LOC131768270: variants seen among roughly 807,000 people sequenced by gnomAD.
chr5:140,567,961 ACTGCTCATGTCTG>A, the LOC131768270 span: 1 of 1,614,132 alleles, frequency 6.2e-7, no homozygotes, highest in East Asian at 2.2e-5. Context: ...CACTAAATGG[ACTGCTCATGTCTG>A]CTGTCATGAA....
chr5:140,567,016 T>C, the LOC131768270 span: 2 of 1,201,172 alleles, frequency 1.7e-6, no homozygotes, highest in Non-Finnish European at 2.4e-6. Context: ...CTTCAAGCCC[T>C]GACTGTGGAG....
the LOC131768270 span, chr5:140,568,355 G>C: frequency 8.1e-6 from 6 of 743,412 alleles, no homozygotes; most frequent in Admixed American, 1.5e-4. Flanking sequence ...TTTGGTTAAG[G>C]AAATGCTTAC....
the LOC131768270 span, chr5:140,567,912 G>C: frequency 1.2e-6 from 2 of 1,614,208 alleles, no homozygotes; most frequent in Non-Finnish European, 1.7e-6. Flanking sequence ...CTCCTGGAAG[G>C]TTTCTCAGGA....
chr5:140,567,646 G>A, the LOC131768270 span: 1 of 1,614,006 alleles, frequency 6.2e-7, no homozygotes, highest in Admixed American at 1.7e-5. Context: ...ATGCAGCAGG[G>A]GGCCTTCAAG....
the LOC131768270 span, chr5:140,567,034 A>G: frequency 7.3e-7 from 1 of 1,373,974 alleles, no homozygotes; most frequent in Admixed American, 1.7e-5. Flanking sequence ...GAGTTGGTAG[A>G]TGCCTCTGAT....
the LOC131768270 span, chr5:140,568,047 T>C: frequency 6.2e-7 from 1 of 1,614,016 alleles, no homozygotes; most frequent in Middle Eastern, 1.7e-4. Context: ...AACGCCGTGC[T>C]CTCAGCAGTC....
chr5:140,568,015 G>T, the LOC131768270 span: 1 of 1,614,080 alleles, frequency 6.2e-7, no homozygotes, highest in Non-Finnish European at 8.5e-7. Flanking sequence ...GCCTCTTTGT[G>T]GTGTCCTGCT....
the LOC131768270 span, chr5:140,565,971 G>A: frequency 2.5e-6 from 1 of 398,914 alleles, no homozygotes; most frequent in Non-Finnish European, 4.4e-6. Flanking sequence ...GAGTGGGCCA[G>A]GTAAGGACTG....
the LOC131768270 span, chr5:140,566,968 C>G: frequency 1.2e-6 from 1 of 801,476 alleles, no homozygotes; most frequent in Non-Finnish European, 2.1e-6. Flanking sequence ...TGGGACTCGC[C>G]CCAAGACTGT....
At chr5:140,564,862 A>G in the LOC131768270 span, 1 of 395,390 alleles carries the variant, frequency 2.5e-6, no homozygotes. The surrounding 1 kb of genome is among the most constrained non-coding windows in gnomAD (Gnocchi z 5.0). Flanking sequence ...TGACAAGGTG[A>G]GTGGCCGTGG....
At chr5:140,567,928 A>C in the LOC131768270 span, 1 of 1,614,198 alleles carries the variant, frequency 6.2e-7, no homozygotes. Context: ...CAGGATGGGC[A>C]GCACTCGTGG....
chr5:140,566,114 T>A, the LOC131768270 span: 1 of 396,152 alleles, frequency 2.5e-6, no homozygotes, highest in Non-Finnish European at 4.4e-6. Context: ...TTTTTCTGAA[T>A]GGCACATGAA....
At chr5:140,567,157 G>A in the LOC131768270 span, 1 of 1,614,184 alleles carries the variant, frequency 6.2e-7, no homozygotes, top group South Asian at 1.1e-5. Flanking sequence ...GCCACCCAGG[G>A]TCTTGTGTGG....
the LOC131768270 span, chr5:140,568,321 C>A: frequency 1.0e-6 from 1 of 976,032 alleles, no homozygotes; most frequent in Non-Finnish European, 1.5e-6. Context: ...TGAAGGGGTA[C>A]CCCTAGGAGA....
At chr5:140,564,875 G>T in the LOC131768270 span, 1 of 406,126 alleles carries the variant, frequency 2.5e-6, no homozygotes, top group African/African-American at 2.1e-5. The surrounding 1 kb of genome is among the most constrained non-coding windows in gnomAD (Gnocchi z 5.0). Context: ...GGCCGTGGGG[G>T]TGATCTGCAG....
the LOC131768270 span, chr5:140,565,505 CCAA>C: frequency 6.1e-6 from 1 of 164,146 alleles, no homozygotes; most frequent in Non-Finnish European, 1.3e-5. Flanking sequence ...AACATAGTAG[CCAA>C]GACAGACTGG....
chr5:140,566,510 C>G, the LOC131768270 span: 1 of 410,622 alleles, frequency 2.4e-6, no homozygotes. Flanking sequence ...TTGAGTAGCC[C>G]CTGGACAGTC....
chr5:140,568,066 G>T, the LOC131768270 span: 1 of 1,613,938 alleles, frequency 6.2e-7, no homozygotes, highest in Non-Finnish European at 8.5e-7. Flanking sequence ...TCCTGCTACG[G>T]CTGCAGCTCA....
At chr5:140,567,658 TC>T in the LOC131768270 span, 3 of 1,613,976 alleles carry the variant, frequency 1.9e-6, no homozygotes, top group Non-Finnish European at 2.5e-6. Context: ...GCCTTCAAGT[TC>T]CCGGGAACAC....
Sources: gnomAD v4.1 joint callset for allele counts on GRCh38, gnomAD v4.1.1 for gene constraint, Gnocchi (gnomAD v3.1) non-coding constraint, MANE v1.5 for transcripts.